Variants in LIMCH1 observed in about 807,000 individuals in gnomAD.
The protein encoded by LIMCH1 is LIM and calponin homology domains 1, also known as LIM and calponin homology domains-containing protein 1.
A neutral mutation model predicts 176.5 loss-of-function variants in LIMCH1; 113 were observed. The ratio of observed to expected loss-of-function variants is 0.64; its 90% confidence interval spans 0.55 to 0.75. LIMCH1 has a LOEUF of 0.75. LIMCH1 is among the 30% of genes least tolerant of loss of function. The pLI, the probability that LIMCH1 is intolerant of heterozygous loss-of-function variation, is 0.00. For missense variants in LIMCH1, 1,674 were observed against 1,814.9 expected, an observed-to-expected ratio of 0.92 and a Z score of 1.41; for synonymous variants, 619 against 645.9, an observed-to-expected ratio of 0.96 and a Z score of 0.63.
intron 2 of LIMCH1, among the ~76,000 whole-genome samples, chr4:41,517,159 G>C (rs1045632136): frequency 3.3e-5 from 5 of 152,116 alleles, no homozygotes; most frequent in African/African-American, 1.2e-4. Context: ...GAGGACTTCC[G>C]GGTGTCAACA....
At chr4:41,544,686 G>A (rs1279914430) in intron 1 of LIMCH1, among the ~76,000 whole-genome samples, 1 of 152,066 alleles carries the variant, frequency 6.6e-6, no homozygotes, top group Admixed American at 6.5e-5. Context: ...TGTTGCTGTG[G>A]AGCTGCAACA....
chr4:41,522,458 T>C (rs953741080), intron 2 of LIMCH1, among the ~76,000 whole-genome samples: 8 of 104,050 alleles, frequency 7.7e-5, no homozygotes, highest in African/African-American at 5.5e-4. Flanking sequence ...GATATTTTAC[T>C]GTATATCCTT....
chr4:41,413,771 A>T (rs2059691926), intron 1 of LIMCH1, among the ~76,000 whole-genome samples: 1 of 152,210 alleles, frequency 6.6e-6, no homozygotes, highest in African/African-American at 2.4e-5. Flanking sequence ...GTTAATGTCC[A>T]GATCAGTTCC....
rs1554057132 is a variant in LIMCH1 at position 41,460,458 on chromosome 4, C to CAATATATATATATATATATATA, written c.97-34078_97-34077insAATATATATATATATATATATA. On this transcript the variant is annotated intron_variant, in intron 1 of 26. Coordinates refer to the LIMCH1 transcript ENST00000313860. ...AAATTTGTTCCACTATAGTAATCAT[C>CAATATATATATATATATATATA]TATATATATATATATATATATCTTA... Among the ~76,000 whole-genome samples the CAATATATATATATATATATATA allele has an allele frequency of 7.2e-5, 8 of 110,552 alleles. No homozygotes were observed. The South Asian group carries it at 3.0e-3, about 41-fold the overall frequency. The allele number at this position is 110,552 out of a possible 152,430, so 72.5% of individuals were successfully genotyped here. A position where few individuals can be genotyped will look rare whatever the true frequency, so the allele number is the denominator to read the frequency against.
chr4:41,525,097 T>C (rs899818717), intron 3 of LIMCH1, among the ~76,000 whole-genome samples: 1 of 152,260 alleles, frequency 6.6e-6, no homozygotes, highest in Admixed American at 6.5e-5. Flanking sequence ...CATGCGTTGA[T>C]ATGTCTTATA....
intron 1 of LIMCH1, among the ~76,000 whole-genome samples, chr4:41,388,540 C>T (rs949196883): frequency 3.3e-5 from 5 of 152,302 alleles, no homozygotes; most frequent in East Asian, 1.9e-4. Context: ...TAGTCTAAAA[C>T]GCATTTGTAG....
At chr4:41,509,039 G>A (rs570026024) in intron 2 of LIMCH1, among the ~76,000 whole-genome samples, 22 of 152,278 alleles carry the variant, frequency 1.4e-4, no homozygotes, top group African/African-American at 4.8e-4. Flanking sequence ...ATGACCCAAT[G>A]GCTGATTAGT....
Position 41,680,955 on chromosome 4 carries a change from G to T in LIMCH1, c.3613G>T (p.Glu1205Ter). Residue 1205 changes from glutamate to a stop codon, truncating the protein, a stop_gained and splice_region_variant, in exon 25 of 32, where the codon GAG becomes TAG. Coordinates refer to ENST00000503057, the MANE Select transcript of LIMCH1 (RefSeq NM_001330672.2). LOFTEE classifies it high-confidence loss of function. ...CATCGATTCCTGTCCTTCCCCTTAG[G>T]AGCGTAAGATAATTGAAGACACTGT... The part of the protein sequence containing the change: ...EEEERRYYEE[E>*]RKIIEDTVVP... The T allele has an allele frequency of 1.3e-6, 2 of 1,558,834 alleles. No homozygotes were observed. Among genetic ancestry groups the T allele is most frequent in the South Asian group, 2.2e-5 (2 of 89,192 alleles).
intron 2 of LIMCH1, among the ~76,000 whole-genome samples, chr4:41,518,830 G>A (rs1009551750): frequency 3.3e-5 from 5 of 152,054 alleles, no homozygotes; most frequent in African/African-American, 7.2e-5. Flanking sequence ...GAGAATATGC[G>A]GTGTTTGGTT....
intron 1 of LIMCH1, among the ~76,000 whole-genome samples, chr4:41,454,126 A>T (rs2064233211): frequency 6.6e-6 from 1 of 151,876 alleles, no homozygotes; most frequent in Admixed American, 6.6e-5. Flanking sequence ...CCCTCACCAC[A>T]TTCTCTCCCG....
chr4:41,372,682 T>G (rs916077490), intron 1 of LIMCH1, among the ~76,000 whole-genome samples: 1 of 152,172 alleles, frequency 6.6e-6, no homozygotes, highest in Admixed American at 6.5e-5. Context: ...TTCTGTTGCC[T>G]TTGGAGGAGG....
chr4:41,496,205 T>G (rs1169276281), intron 2 of LIMCH1, among the ~76,000 whole-genome samples: 1 of 152,228 alleles, frequency 6.6e-6, no homozygotes, highest in Non-Finnish European at 1.5e-5. Context: ...TACCTAACAT[T>G]TGCTCCAGAG....
rs547344878 is a variant in LIMCH1, at chr4:41,619,262, C to T, written c.280C>T (p.Arg94Trp). The T allele has an allele frequency of 1.7e-5, 27 of 1,614,100 alleles. No homozygotes were observed. Among genetic ancestry groups the T allele is most frequent in the East Asian group, 8.9e-5 (4 of 44,892 alleles). ...PDVKKDDMSA[R>W]RTSHGEPKSA... ...TGTGAAGAAGGATGACATGTCTGCA[C>T]GGCGGACTTCCCATGGTGAGCCGAA... The change falls in exon 6 of 32, where the codon CGG (arginine) becomes TGG (tryptophan). Residue 94 changes from arginine to tryptophan, a missense_variant. By Grantham distance (101) the Arg-to-Trp change is moderately radical. Transcript: ENST00000503057.
Position 41,666,683 on chromosome 4 carries a change from T to C in LIMCH1, c.3397+17T>C. 1 of 1,518,468 alleles carries C rather than the reference T, an allele frequency of 6.6e-7. No homozygotes were observed. The highest frequency in any genetic ancestry group is 9.1e-7 in the Non-Finnish European group (1 of 1,093,076). 94.1% of individuals were successfully genotyped at this position (1,518,468 alleles called of 1,614,324 possible). On this transcript the variant is annotated intron_variant, in intron 21 of 31. Coordinates refer to ENST00000503057, the MANE Select transcript of LIMCH1 (RefSeq NM_001330672.2). ...ATTCTCAAGGTAAAGAGGACATGTTTTATTTTAGGTCTGCATGTTCTGGGC... is the reference window on the plus strand; with the variant it reads ...ATTCTCAAGGTAAAGAGGACATGTTCTATTTTAGGTCTGCATGTTCTGGGC...
At chr4:41,418,694 A>C (rs759764678) in intron 1 of LIMCH1, 3 of 152,216 alleles carry the variant, frequency 2.0e-5, no homozygotes, top group Non-Finnish European at 4.4e-5. Context: ...CGTTTGCAGA[A>C]TTCCAGGGCT....
intron 1 of LIMCH1, among the ~76,000 whole-genome samples, chr4:41,393,193 A>G (rs1416540430): frequency 6.6e-6 from 1 of 152,168 alleles, no homozygotes; most frequent in Admixed American, 6.5e-5. Flanking sequence ...TGTTGCTAGG[A>G]AAGGTTGACT....
At chr4:41,635,475 G>A (rs553697782) in intron 13 of LIMCH1, among the ~76,000 whole-genome samples, 1 of 152,228 alleles carries the variant, frequency 6.6e-6, no homozygotes, top group Admixed American at 6.5e-5. Flanking sequence ...TGATCCACCT[G>A]CCTTGATCTC....
rs1467421610 is a variant in LIMCH1, at chr4:41,629,604, G to A, written c.1141G>A (p.Asp381Asn). The A allele has an allele frequency of 8.5e-6, 13 of 1,536,034 alleles. No homozygotes were observed. The highest frequency in any genetic ancestry group is 1.0e-5 in the Non-Finnish European group (12 of 1,146,902). Residue 381 changes from aspartate (D) to asparagine (N), a missense_variant, in exon 9 of 32, where the codon GAC becomes AAC. Asp to Asn is a conservative substitution (Grantham distance 23). This residue lies in a region of LIMCH1 where 655 missense variants were observed against 692.2 expected (regional missense o/e 0.95). Transcript: ENST00000503057. Reference sequence around the variant, plus strand: ...GAAGGTGCCAGATCTTCACAAGGATGACCTGGCCCAGCAGAGAATTCAGGG... The same window carrying A: ...GAAGGTGCCAGATCTTCACAAGGATAACCTGGCCCAGCAGAGAATTCAGGG... ...LRKVPDLHKD[D>N]LAQQRIQGSL...
intron 1 of LIMCH1, among the ~76,000 whole-genome samples, chr4:41,479,094 G>T (rs1187962756): frequency 6.6e-6 from 1 of 152,050 alleles, no homozygotes; most frequent in Non-Finnish European, 1.5e-5. Context: ...TTCAACAATT[G>T]TTAGAATTTT....
Sources: allele counts gnomAD v4.1 joint callset (sites outside exome capture counted in the v4.1 genomes callset), GRCh38; gene constraint gnomAD v4.1.1; regional missense constraint gnomAD v4.1.1; transcripts MANE v1.5; gene names NCBI Gene and HGNC (gene_info 2026-07-23, HGNC 2026-07-21).